Variants in DLX6 observed in about 807,000 individuals in gnomAD.
DLX6 encodes the protein distal-less homeobox 6.
In DLX6, 4 loss-of-function variants were observed where a neutral mutation model predicts 33.5. That is an observed-to-expected ratio of 0.12 (90% CI 0.06 to 0.27). DLX6 has a LOEUF of 0.27. Ranked by LOEUF, DLX6 falls within the 10% of genes least tolerant of loss-of-function variation. The pLI is 1.00. For missense variants in DLX6, 382 were observed against 393.3 expected, an observed-to-expected ratio of 0.97 and a Z score of 0.24; for synonymous variants, 184 against 164.8, an observed-to-expected ratio of 1.12 and a Z score of -0.89.
chr7:97,007,239 G>A (rs1430838404), intron 1 of DLX6: 3 of 472,058 alleles, frequency 6.4e-6, no homozygotes, highest in African/African-American at 1.9e-5. Flanking sequence ...AACTGGCCGC[G>A]TAAACACCTG....
chr7:97,007,570 C>T (rs957549355), intron 1 of DLX6, 68 bp from the exon 2 acceptor site: 4 of 1,448,088 alleles, frequency 2.8e-6, no homozygotes, highest in Non-Finnish European at 3.8e-6. Context: ...TTGCATGCCA[C>T]GCCAGGAGCA....
intron 1 of DLX6, chr7:97,007,367 T>G: frequency 1.7e-6 from 1 of 598,316 alleles, no homozygotes; most frequent in South Asian, 2.0e-5. Context: ...CCGCCTCCGC[T>G]GCGGCAAAGC....
At chr7:97,007,599 C>T in intron 1 of DLX6, 39 bp from the exon 2 acceptor site, 1 of 1,563,404 alleles carries the variant, frequency 6.4e-7, no homozygotes, top group Non-Finnish European at 8.7e-7. Context: ...GCAGCAGTAG[C>T]CTCCCGGGTG....
Position 97,010,203 on chromosome 7 carries a change from T to TCTCC in DLX6, c.*159_*160insCCTC. 3 of 737,438 alleles carry TCTCC rather than the reference T, an allele frequency of 4.1e-6. No individual in the cohort carries two copies. The highest frequency in any genetic ancestry group is 6.3e-6 in the Non-Finnish European group (3 of 474,668). The allele number at this position is 737,438 out of a possible 1,614,324, so 45.7% of individuals were successfully genotyped here. A position where few individuals can be genotyped will look rare whatever the true frequency, so the allele number is the denominator to read the frequency against. On this transcript the variant is annotated 3_prime_UTR_variant, in exon 3 of 3. Transcript: ENST00000518156. ...GGCTCATTCTCTCTCCCTCTCTCTC[T>TCTCC]CTCTCCCTCTCCTTTCTTTTTACTT...
At chr7:97,008,944 C>T (rs1158634982) in intron 2 of DLX6, among the ~76,000 whole-genome samples, 4 of 152,324 alleles carry the variant, frequency 2.6e-5, no homozygotes, top group Admixed American at 2.0e-4. Context: ...GTAAAGGAAG[C>T]TGCACCATAA....
At chr7:97,007,214 T>G in intron 1 of DLX6, 1 of 426,202 alleles carries the variant, frequency 2.3e-6, no homozygotes, top group Non-Finnish European at 4.2e-6. Context: ...AGCTTGGAGC[T>G]GGTGACATCA....
chr7:97,005,895 G>T lies in DLX6; in HGVS notation c.-83G>T. 3 of 854,818 alleles carry T rather than the reference G, an allele frequency of 3.5e-6. No individual in the cohort carries two copies. Among genetic ancestry groups the T allele is most frequent in the East Asian group, 3.2e-5 (1 of 30,940 alleles). The allele number at this position is 854,818 out of a possible 1,614,324, so 53.0% of individuals were successfully genotyped here. ...AAGGATCCAAAGAGCTAAGGTGGCT[G>T]CAGAGGGGAGAGCGGCGCGAGCCAA... is the stretch of plus-strand genomic sequence containing the variant. On this transcript the variant is annotated 5_prime_UTR_variant, in exon 1 of 3. Transcript: ENST00000518156.
chr7:97,006,450 C>G, intron 1 of DLX6, 37 bp downstream of exon 1: 2 of 1,283,696 alleles, frequency 1.6e-6, no homozygotes, highest in Non-Finnish European at 2.0e-6. Context: ...TCTCCCGCCT[C>G]CCGACTGCCC....
chr7:97,006,327 C>G lies in DLX6; in HGVS notation c.350C>G (p.Pro117Arg). The G allele has an allele frequency of 6.6e-7, 1 of 1,515,218 alleles. No individual in the cohort carries two copies. Among genetic ancestry groups the G allele is most frequent in the Non-Finnish European group, 8.9e-7 (1 of 1,128,446 alleles). 93.9% of individuals were successfully genotyped at this position (1,515,218 alleles called of 1,614,324 possible). A position where few individuals can be genotyped will look rare whatever the true frequency, so the allele number is the denominator to read the frequency against. ...SYNHRSLAAY[P>R]YMSHSQHSPY... ...AACCACCGCTCGCTCGCCGCCTACC[C>G]CTACATGAGCCACTCGCAGCACAGC... Residue 117 changes from proline (P) to arginine (R), a missense_variant, in exon 1 of 3, where the codon CCC (proline) becomes CGC (arginine). Physicochemically the swap from Pro to Arg is moderately radical, Grantham distance 103. Transcript: ENST00000518156.
chr7:97,007,514 A>C (rs889748328), intron 1 of DLX6, 124 bp from the exon 2 acceptor site: 14 of 873,766 alleles, frequency 1.6e-5, no homozygotes, highest in African/African-American at 3.3e-5. Flanking sequence ...TCGGGGCATC[A>C]TAGGGATTTT....
intron 1 of DLX6, chr7:97,007,250 G>T (rs1167766417): frequency 5.9e-6 from 3 of 509,680 alleles, no homozygotes; most frequent in Non-Finnish European, 1.0e-5. Flanking sequence ...TAAACACCTG[G>T]GTGGCTCAAG....
chr7:97,010,101 G>A lies in DLX6; in HGVS notation c.*54G>A. The A allele has an allele frequency of 2.6e-6, 4 of 1,543,024 alleles. No homozygotes were observed. Among genetic ancestry groups the A allele is most frequent in the Non-Finnish European group, 3.5e-6 (4 of 1,141,260 alleles). ...GTCTGAACAAGGAAAAGAGGATCCGGGACCTGCTTGTATCTGCGAAAAGGA... is the reference window on the plus strand; with the variant it reads ...GTCTGAACAAGGAAAAGAGGATCCGAGACCTGCTTGTATCTGCGAAAAGGA... On this transcript the variant is annotated 3_prime_UTR_variant, in exon 3 of 3. Transcript: ENST00000518156.
intron 2 of DLX6, among the ~76,000 whole-genome samples, chr7:97,008,246 C>T (rs1184603938): frequency 6.6e-6 from 1 of 152,130 alleles, no homozygotes; most frequent in African/African-American, 2.4e-5. Context: ...GTTTTCAACC[C>T]ATTGACACAG....
chr7:97,006,599 G>A (rs1291622885), intron 1 of DLX6, 186 bp downstream of exon 1: 3 of 347,932 alleles, frequency 8.6e-6, no homozygotes, highest in East Asian at 1.1e-4. Context: ...TCCCAGCCGG[G>A]CCCCTTCCCG....
chr7:97,009,689 T>C (rs563706652), intron 2 of DLX6, 107 bp from the exon 3 acceptor site: 4 of 1,507,376 alleles, frequency 2.7e-6, no homozygotes, highest in East Asian at 2.3e-5. Flanking sequence ...TGGTTGTTTT[T>C]TGTTTTTTGT....
Position 97,006,412 on chromosome 7 carries a change from A to T in DLX6, c.435A>T (p.Thr145=). The T allele has an allele frequency of 2.2e-6, 3 of 1,370,820 alleles. No homozygotes were observed. The highest frequency in any genetic ancestry group is 2.9e-6 in the Non-Finnish European group (3 of 1,047,868). 84.9% of individuals were successfully genotyped at this position (1,370,820 alleles called of 1,614,324 possible). Residue 145 remains threonine (T), a splice_region_variant and synonymous_variant, in exon 1 of 3, where the codon ACA becomes ACT. Coordinates refer to ENST00000518156, the MANE Select transcript of DLX6 (RefSeq NM_005222.4). Reference sequence around the variant, plus strand: ...CCGCCCAGACGCGAGGGGACGACACAGGTGAGAGGCCGCTGGGGCAGCTCG... The same window carrying T: ...CCGCCCAGACGCGAGGGGACGACACTGGTGAGAGGCCGCTGGGGCAGCTCG... ...SAAAQTRGDD[T]DQQKTTVIEN...
In DLX6 at chr7:97,005,830, C is replaced by T; in HGVS notation, c.-148C>T. On this transcript the variant is annotated 5_prime_UTR_variant, in exon 1 of 3. Coordinates refer to ENST00000518156, the MANE Select transcript of DLX6 (RefSeq NM_005222.4). ...GGGAGAGGGAGAACCACCTCCACCC[C>T]CCTCTTTAAATTCTTTTTTTTTTTT... 1.7e-6 allele frequency: 1 copy of T among 597,360 alleles called. No individual in the cohort carries two copies. The highest frequency in any genetic ancestry group is 1.9e-5 in the African/African-American group (1 of 51,594). The allele number at this position is 597,360 out of a possible 1,614,324, so 37.0% of individuals were successfully genotyped here.
chr7:97,008,044 C>G (rs1313270603), intron 2 of DLX6, among the ~76,000 whole-genome samples: 2 of 152,198 alleles, frequency 1.3e-5, no homozygotes, highest in African/African-American at 4.8e-5. Flanking sequence ...TGCACATCCT[C>G]CCAACCCTCG....
rs1228978747 is a variant in DLX6 at position 97,005,944 on chromosome 7, G to A, written c.-34G>A. ...AAGTGGGGGAGGGTGGAGGAAACCC[G>A]GGAGAAGGCTTTCTCCAGCCCCCAA... is the stretch of plus-strand genomic sequence containing the variant. On this transcript the variant is annotated 5_prime_UTR_variant, in exon 1 of 3. Coordinates refer to ENST00000518156, the MANE Select transcript of DLX6 (RefSeq NM_005222.4). The A allele has an allele frequency of 2.7e-6, 4 of 1,495,236 alleles. 1 individual carries two copies. The highest frequency in any genetic ancestry group is 3.6e-6 in the Non-Finnish European group (4 of 1,116,092). 92.6% of individuals were successfully genotyped at this position (1,495,236 alleles called of 1,614,324 possible).
Sources: gnomAD v4.1 joint callset for allele counts (sites outside exome capture counted in the v4.1 genomes callset) on GRCh38, gnomAD v4.1.1 for gene constraint, MANE v1.5 for transcripts, NCBI Gene and HGNC (gene_info 2026-07-23, HGNC 2026-07-21) for gene names.